DCC: variants seen among roughly 807,000 people sequenced by gnomAD.
DCC encodes netrin receptor DCC.
In DCC, 58 loss-of-function variants were observed where a neutral mutation model predicts 172.5. The ratio of observed to expected loss-of-function variants is 0.34; its 90% confidence interval spans 0.27 to 0.42. The LOEUF (loss-of-function observed/expected upper bound fraction) is 0.42. DCC is among the 10% of genes least tolerant of loss of function. The pLI, the probability that DCC is intolerant of heterozygous loss-of-function variation, is 1.00. For missense variants in DCC, 1,740 were observed against 1,791.0 expected, an observed-to-expected ratio of 0.97 and a Z score of 0.51; for synonymous variants, 709 against 644.5, an observed-to-expected ratio of 1.10 and a Z score of -1.52.
chr18:52,382,804 T>A (rs1348208595), intron 1 of DCC, among the ~76,000 whole-genome samples: 1 of 152,096 alleles, frequency 6.6e-6, no homozygotes, highest in Admixed American at 6.6e-5. Context: ...GATTCCATTG[T>A]TACATAACTC....
At chr18:52,510,179 G>T (rs1278592178) in intron 1 of DCC, among the ~76,000 whole-genome samples, 2 of 151,186 alleles carry the variant, frequency 1.3e-5, no homozygotes, top group Non-Finnish European at 2.9e-5. Context: ...GCCACTCCTT[G>T]GTCCATTCAG....
intron 5 of DCC, among the ~76,000 whole-genome samples, chr18:53,002,006 A>T (rs2041572758): frequency 6.6e-6 from 1 of 152,164 alleles, no homozygotes. Context: ...TAACTCAAAT[A>T]GAAAAGGAGA....
intron 15 of DCC, among the ~76,000 whole-genome samples, chr18:53,359,669 G>A (rs1200337613): frequency 1.3e-5 from 2 of 152,152 alleles, no homozygotes; most frequent in African/African-American, 2.4e-5. Context: ...AATGAGCCAT[G>A]AAAAGGAAAG....
At chr18:52,761,001 G>A (rs530212105) in intron 2 of DCC, among the ~76,000 whole-genome samples, 87 of 152,274 alleles carry the variant, frequency 5.7e-4, no homozygotes, top group African/African-American at 2.0e-3. Flanking sequence ...ATCTATATCT[G>A]CATACTCTAT....
chr18:53,327,957 G>A (rs1018398076), intron 14 of DCC, among the ~76,000 whole-genome samples: 1 of 152,352 alleles, frequency 6.6e-6, no homozygotes, highest in African/African-American at 2.4e-5. Context: ...CAGTGGTACA[G>A]TAGCTATTCC....
intron 1 of DCC, among the ~76,000 whole-genome samples, chr18:52,534,024 G>A (rs559816852): frequency 3.9e-5 from 6 of 152,156 alleles, no homozygotes; most frequent in East Asian, 1.9e-4. Flanking sequence ...ATGTTGTGGC[G>A]TGCTTTAGTA....
intron 1 of DCC, among the ~76,000 whole-genome samples, chr18:52,515,201 G>A (rs1356590132): frequency 2.6e-5 from 4 of 152,138 alleles, no homozygotes; most frequent in Non-Finnish European, 1.5e-5. Context: ...AGAAAAGATG[G>A]CCTTTTCAAC....
chr18:53,395,835 G>A (rs1490549598), intron 17 of DCC, among the ~76,000 whole-genome samples: 2 of 152,038 alleles, frequency 1.3e-5, no homozygotes, highest in Admixed American at 6.5e-5. Flanking sequence ...TAGAGATGGG[G>A]TTTCACCATA....
rs145110366 is a variant in DCC, at chr18:53,361,906, G to A, written c.2359+21999G>A. Among the ~76,000 whole-genome samples, 109 of 152,162 alleles carry A rather than the reference G, an allele frequency of 7.2e-4. 3 individuals carry two copies. In the East Asian group the frequency reaches 0.019, roughly 26 times the overall value. On this transcript the variant is annotated intron_variant, in intron 15 of 28. Transcript: ENST00000442544. Reference sequence around the variant, plus strand: ...ATTTTTCTTTATGATAATCTAGTTCGCAAGGCTTGCACAACAATCATTTCT... The same window carrying A: ...ATTTTTCTTTATGATAATCTAGTTCACAAGGCTTGCACAACAATCATTTCT...
At chr18:52,507,723 A>T (rs992111266) in intron 1 of DCC, among the ~76,000 whole-genome samples, 2 of 152,190 alleles carry the variant, frequency 1.3e-5, no homozygotes, top group Non-Finnish European at 2.9e-5. Flanking sequence ...TACCATTTCT[A>T]GAGTGATTGA....
At chr18:53,050,088 G>T (rs982444675) in intron 5 of DCC, among the ~76,000 whole-genome samples, 1 of 152,082 alleles carries the variant, frequency 6.6e-6, no homozygotes, top group Non-Finnish European at 1.5e-5. Context: ...TCAAGGGCAG[G>T]AAGCATCCAG....
intron 2 of DCC, among the ~76,000 whole-genome samples, chr18:52,769,713 T>A (rs909035226): frequency 9.2e-5 from 14 of 152,224 alleles, no homozygotes; most frequent in African/African-American, 3.4e-4. Flanking sequence ...GTTTTATAGT[T>A]TCATATTTTA....
chr18:52,773,396 A>T (rs2037373898), intron 2 of DCC, among the ~76,000 whole-genome samples: 1 of 152,318 alleles, frequency 6.6e-6, no homozygotes, highest in South Asian at 2.1e-4. Context: ...CTATTTCAAG[A>T]TGATGTATTC....
Position 52,752,247 on chromosome 18 carries a change from G to T in DCC, c.285G>T (p.Gly95=), listed in dbSNP as rs1010437906. ...MDERKQQLSN[G]SLLIQNILHS... is the part of the protein sequence containing the mutation. Reference sequence around the variant, plus strand: ...AAAGGAAGCAGCAACTTTCAAATGGGTCTCTGCTGATACAAAACATACTTC... The same window carrying T: ...AAAGGAAGCAGCAACTTTCAAATGGTTCTCTGCTGATACAAAACATACTTC... Residue 95 remains glycine (G), a synonymous_variant, in exon 2 of 29, where the codon GGG becomes GGT. Transcript: ENST00000442544. 6.2e-7 allele frequency: 1 copy of T among 1,614,110 alleles called. No homozygotes were observed. Among genetic ancestry groups the T allele is most frequent in the Admixed American group, 1.7e-5 (1 of 60,010 alleles).
chr18:52,401,699 G>C (rs1360982362), intron 1 of DCC, among the ~76,000 whole-genome samples: 2 of 152,016 alleles, frequency 1.3e-5, no homozygotes, highest in African/African-American at 4.8e-5. Flanking sequence ...TCCTAGAGCA[G>C]TGAATTATGT....
At chr18:52,855,266 A>G (rs7227969) in intron 2 of DCC, among the ~76,000 whole-genome samples, 3,730 of 152,290 alleles carry the variant, frequency 0.024, 137 homozygotes, top group African/African-American at 0.082. Flanking sequence ...CATCTTCAAC[A>G]AAGTATGGCA....
intron 9 of DCC, among the ~76,000 whole-genome samples, chr18:53,189,223 G>A (rs1409808403): frequency 6.6e-6 from 1 of 151,918 alleles, no homozygotes; most frequent in Non-Finnish European, 1.5e-5. Flanking sequence ...ATGTGTATAT[G>A]TATATATGTG....
chr18:52,661,305 C>T (rs2035354375), intron 1 of DCC, among the ~76,000 whole-genome samples: 1 of 152,170 alleles, frequency 6.6e-6, no homozygotes, highest in African/African-American at 2.4e-5. Context: ...TACAGACTCT[C>T]CCTGGTCCCA....
chr18:53,044,456 A>G (rs1476000369), intron 5 of DCC, among the ~76,000 whole-genome samples: 1 of 151,802 alleles, frequency 6.6e-6, no homozygotes, highest in Non-Finnish European at 1.5e-5. Context: ...GAACTGTGTG[A>G]TGCCGTAGAA....
Sources: allele counts gnomAD v4.1 joint callset (sites outside exome capture counted in the v4.1 genomes callset), GRCh38; gene constraint gnomAD v4.1.1; transcripts MANE v1.5; gene names NCBI Gene and HGNC (gene_info 2026-07-23, HGNC 2026-07-21).